The following SLC9A9 variants were observed in gnomAD, a reference collection of about 807,000 sequenced individuals.
SLC9A9 encodes the protein sodium/hydrogen exchanger 9.
In SLC9A9, 62 loss-of-function variants were observed where a neutral mutation model predicts 77.8. The ratio of observed to expected loss-of-function variants is 0.80; its 90% CI spans 0.65 to 0.98. SLC9A9 has a LOEUF of 0.98. SLC9A9 is among the 50% of genes least tolerant of loss of function. The pLI is 0.00. For synonymous variants in SLC9A9, 320 were observed against 283.5 expected, an observed-to-expected ratio of 1.13 and a Z score of -1.29; for missense variants, 775 against 774.9, an observed-to-expected ratio of 1.00 and a Z score of 0.00.
chr3:143,698,435 G>A (rs1417892032), intron 4 of SLC9A9, among the ~76,000 whole-genome samples: 4 of 152,184 alleles, frequency 2.6e-5, no homozygotes. Flanking sequence ...CAGGATGGCA[G>A]TCATAAATTT....
chr3:143,299,677 T>C (rs2030434921), intron 14 of SLC9A9, among the ~76,000 whole-genome samples: 3 of 152,176 alleles, frequency 2.0e-5, no homozygotes, highest in African/African-American at 7.2e-5. Context: ...TCTCCTGACC[T>C]CTTGATCCGC....
chr3:143,804,560 GC>G (rs1223559487), intron 2 of SLC9A9, among the ~76,000 whole-genome samples: 1 of 152,038 alleles, frequency 6.6e-6, no homozygotes, highest in Non-Finnish European at 1.5e-5. Flanking sequence ...CTCCAGTTTT[GC>G]CTTGCACAAG....
intron 12 of SLC9A9, among the ~76,000 whole-genome samples, chr3:143,441,622 T>C (rs991496144): frequency 9.2e-5 from 14 of 152,082 alleles, no homozygotes; most frequent in African/African-American, 3.4e-4. Context: ...CTTTTTTTTT[T>C]TTCCAGAAGA....
chr3:143,657,048 T>A (rs929551564), intron 5 of SLC9A9, among the ~76,000 whole-genome samples: 2 of 152,186 alleles, frequency 1.3e-5, no homozygotes, highest in Non-Finnish European at 2.9e-5. Flanking sequence ...GGTATCTGGG[T>A]GCAGGCTGAA....
At chr3:143,607,975 T>C (rs1203580192) in intron 6 of SLC9A9, among the ~76,000 whole-genome samples, 1 of 152,134 alleles carries the variant, frequency 6.6e-6, no homozygotes, top group Non-Finnish European at 1.5e-5. Context: ...ATGGCATTTT[T>C]GGAATACTGA....
intron 14 of SLC9A9, among the ~76,000 whole-genome samples, chr3:143,291,618 A>G (rs1228203495): frequency 6.6e-6 from 1 of 152,214 alleles, no homozygotes; most frequent in African/African-American, 2.4e-5. Context: ...GACAAACCCA[A>G]CTTAAAATAC....
chr3:143,433,508 TAACG>T (rs1553754339), intron 12 of SLC9A9, among the ~76,000 whole-genome samples: 2 of 152,198 alleles, frequency 1.3e-5, no homozygotes, highest in Non-Finnish European at 2.9e-5. Context: ...CTTTTTATAA[TAACG>T]TCCAATACAT....
chr3:143,392,817 A>C (rs2033604920), intron 12 of SLC9A9, among the ~76,000 whole-genome samples: 1 of 152,232 alleles, frequency 6.6e-6, no homozygotes, highest in African/African-American at 2.4e-5. Context: ...CTGATAAAAC[A>C]GACTTTAAAC....
intron 9 of SLC9A9, among the ~76,000 whole-genome samples, chr3:143,542,196 G>A (rs976893755): frequency 1.5e-4 from 23 of 152,140 alleles, no homozygotes; most frequent in Non-Finnish European, 3.2e-4. Context: ...ACAATATAAT[G>A]AGTTTCATTG....
At chr3:143,468,788 T>C (rs545294921) in intron 11 of SLC9A9, among the ~76,000 whole-genome samples, 1 of 152,356 alleles carries the variant, frequency 6.6e-6, no homozygotes, top group East Asian at 1.9e-4. Context: ...AACCTGTTTT[T>C]TCTTATTTTA....
chr3:143,742,786 G>A (rs1935104155), intron 4 of SLC9A9, among the ~76,000 whole-genome samples: 1 of 152,148 alleles, frequency 6.6e-6, no homozygotes. Context: ...TACAAAATTA[G>A]TGTAAGATGT....
intron 12 of SLC9A9, among the ~76,000 whole-genome samples, chr3:143,395,900 T>C (rs2033717051): frequency 6.6e-6 from 1 of 152,170 alleles, no homozygotes; most frequent in African/African-American, 2.4e-5. Context: ...CACAATGAGA[T>C]ACCATCTCAC....
intron 12 of SLC9A9, among the ~76,000 whole-genome samples, chr3:143,430,199 A>C (rs1158402534): frequency 6.6e-6 from 1 of 152,178 alleles, no homozygotes; most frequent in African/African-American, 2.4e-5. Flanking sequence ...GGCACCTGGG[A>C]TCAAGGAAAA....
chr3:143,301,819 C>A (rs2030537306), intron 14 of SLC9A9, among the ~76,000 whole-genome samples: 1 of 152,168 alleles, frequency 6.6e-6, no homozygotes, highest in East Asian at 1.9e-4. Context: ...CATTTCTAAG[C>A]CCACCCAAAG....
chr3:143,781,138 G>A (rs1392103670), intron 4 of SLC9A9, among the ~76,000 whole-genome samples: 1 of 152,116 alleles, frequency 6.6e-6, no homozygotes, highest in Non-Finnish European at 1.5e-5. Context: ...ACTAATTAAA[G>A]GCCATAGTTT....
At chr3:143,304,429 C>A (rs1435559024) in intron 14 of SLC9A9, among the ~76,000 whole-genome samples, 2 of 152,164 alleles carry the variant, frequency 1.3e-5, no homozygotes, top group Non-Finnish European at 2.9e-5. Flanking sequence ...AGACAAGGAA[C>A]TGAGAGAGGA....
intron 12 of SLC9A9, among the ~76,000 whole-genome samples, chr3:143,406,978 GA>G (rs57344964): frequency 0.33 from 22,767 of 69,334 alleles, 1,636 homozygotes; most frequent in Non-Finnish European, 0.37. Context: ...TCCATCTCGA[GA>G]AAAAAAAAAA....
At chr3:143,695,868 T>C (rs1280419631) in intron 4 of SLC9A9, among the ~76,000 whole-genome samples, 3 of 152,220 alleles carry the variant, frequency 2.0e-5, no homozygotes, top group Non-Finnish European at 4.4e-5. Flanking sequence ...AGATGGTTTC[T>C]CGTTGTGGTT....
intron 6 of SLC9A9, among the ~76,000 whole-genome samples, chr3:143,618,583 G>A (rs566067972): frequency 2.0e-5 from 3 of 152,124 alleles, no homozygotes; most frequent in Non-Finnish European, 2.9e-5. Context: ...ACAAAAGGTG[G>A]TTCCTGCTGG....
Sources: allele counts gnomAD v4.1 joint callset (sites outside exome capture counted in the v4.1 genomes callset), GRCh38; gene constraint gnomAD v4.1.1; transcripts MANE v1.5; gene names NCBI Gene and HGNC (gene_info 2026-07-23, HGNC 2026-07-21).